OPN3: variants seen among roughly 807,000 people sequenced by gnomAD.
The protein encoded by OPN3 is opsin 3, also known as opsin-3.
Under a neutral mutation model 33.8 loss-of-function variants are expected in OPN3, and 29 were observed. The ratio of observed to expected loss-of-function variants is 0.86; its 90% CI spans 0.64 to 1.17. OPN3 has a LOEUF of 1.17. Among genes scored for constraint, OPN3 ranks in the 50% most tolerant of loss-of-function variants. OPN3 has a pLI of 0.00. For synonymous variants in OPN3, 216 were observed against 216.1 expected (o/e 1.00, Z 0.00); for missense variants, 437 against 514.1 (o/e 0.85, Z 1.45).
intron 3 of OPN3, among the ~76,000 whole-genome samples, chr1:241,595,945 CGTT>C (rs1558436299): frequency 2.0e-5 from 3 of 152,110 alleles, no homozygotes; most frequent in Non-Finnish European, 4.4e-5. Flanking sequence ...GGACAAGGAC[CGTT>C]GTTTTTATTT....
chr1:241,613,528 G>A (rs573437872), intron 1 of OPN3, among the ~76,000 whole-genome samples: 1 of 152,106 alleles, frequency 6.6e-6, no homozygotes, highest in Admixed American at 6.5e-5. Flanking sequence ...TGTCTGCTAC[G>A]TATGTTCTGT....
Position 241,635,363 on chromosome 1 carries a change from A to G in OPN3, c.373+4519T>C, listed in dbSNP as rs1250461850. 4.3e-6 allele frequency: 7 copies of G among 1,614,112 alleles called. No homozygotes were observed. The South Asian group carries it at 7.7e-5, about 18-fold the overall frequency. On this transcript the variant is annotated intron_variant, in intron 1 of 3. Coordinates refer to ENST00000366554, the MANE Select transcript of OPN3 (RefSeq NM_014322.3). Reference sequence around the variant, plus strand: ...GCTTTCTTCAGGTAATGCAGAATCCAGAACTTCAGTGAAGGTATTAGACAC... The same window carrying G: ...GCTTTCTTCAGGTAATGCAGAATCCGGAACTTCAGTGAAGGTATTAGACAC...
intron 1 of OPN3, among the ~76,000 whole-genome samples, chr1:241,614,484 A>G (rs1664071813): frequency 6.6e-6 from 1 of 152,228 alleles, no homozygotes; most frequent in African/African-American, 2.4e-5. Flanking sequence ...AAAATAGGGT[A>G]CACGGGGCAA....
At chr1:241,598,034 A>G (rs751985164) in intron 2 of OPN3, 37 bp from the exon 3 acceptor site, 20 of 1,595,930 alleles carry the variant, frequency 1.3e-5, no homozygotes, top group Non-Finnish European at 1.7e-5. Context: ...GGCTTAAAAA[A>G]CAAAAGAAGG....
chr1:241,608,645 G>A (rs895854905), intron 1 of OPN3, among the ~76,000 whole-genome samples: 15 of 152,200 alleles, frequency 9.9e-5, no homozygotes, highest in Admixed American at 2.0e-4. Context: ...ATAAGTCAGG[G>A]TGCAAGAGGT....
chr1:241,606,574 TAAATAAATAAATA>T (rs1271121608), intron 1 of OPN3, among the ~76,000 whole-genome samples: 2 of 149,846 alleles, frequency 1.3e-5, no homozygotes, highest in East Asian at 2.0e-4. Context: ...AATAAATAAA[TAAATAAATAAATA>T]AAATAAATAA....
At chr1:241,615,534 G>A (rs1056796640) in intron 1 of OPN3, among the ~76,000 whole-genome samples, 3 of 151,984 alleles carry the variant, frequency 2.0e-5, no homozygotes, top group Non-Finnish European at 4.4e-5. Flanking sequence ...CCTTTCTTAG[G>A]AAACATTTCT....
chr1:241,621,474 C>T (rs1442138645), intron 1 of OPN3, among the ~76,000 whole-genome samples: 2 of 152,138 alleles, frequency 1.3e-5, no homozygotes, highest in Non-Finnish European at 2.9e-5. Context: ...AATTTTGCAA[C>T]CTCACCTTGG....
In OPN3 at chr1:241,633,993, G is replaced by T. The variant is rs1402675360; in HGVS notation, c.373+5889C>A. On this transcript the variant is annotated intron_variant, in intron 1 of 3. Coordinates refer to ENST00000366554, the MANE Select transcript of OPN3 (RefSeq NM_014322.3). The stretch of plus-strand genomic sequence containing the variant: ...ATCTCCTGGAAAAGTGTTTCAGCTT[G>T]CTTGACAGCATGCTCATTTCCCAGG... 2.5e-6 allele frequency: 4 copies of T among 1,613,810 alleles called. No individual in the cohort carries two copies. In the Admixed American group the frequency reaches 6.7e-5, roughly 27 times the overall value.
At chr1:241,634,655 C>T in intron 1 of OPN3, 1 of 1,613,936 alleles carries the variant, frequency 6.2e-7, no homozygotes, top group South Asian at 1.1e-5. Flanking sequence ...GGGGGTGTTG[C>T]CAAACCGTCC....
Position 241,593,345 on chromosome 1 carries a change from G to T in OPN3, c.*1083C>A. 2.3e-6 allele frequency: 1 copy of T among 431,154 alleles called. No homozygotes were observed. The highest frequency in any genetic ancestry group is 1.7e-5 in the South Asian group (1 of 58,772). 26.7% of individuals were successfully genotyped at this position (431,154 alleles called of 1,614,324 possible). A position where few individuals can be genotyped will look rare whatever the true frequency, so the allele number is the denominator to read the frequency against. On this transcript the variant is annotated 3_prime_UTR_variant, in exon 4 of 4. Transcript: ENST00000366554. Reference sequence around the variant, plus strand: ...CACATTTAGTGAAATGTTTTCTTTGGTTCATCCTTCTTTAACAGGCTGCTG... The same window carrying T: ...CACATTTAGTGAAATGTTTTCTTTGTTTCATCCTTCTTTAACAGGCTGCTG...
rs1665080859 is a variant in OPN3, at chr1:241,640,336, G to GGGGCTC, written c.-88_-83dup. Reference sequence around the variant, plus strand: ...GGCGCGCTCCGCACTGGGTGGGGTTGGGGCTCCGCCGCCTGCTCTAGCCAT... The same window carrying GGGGCTC: ...GGCGCGCTCCGCACTGGGTGGGGTTGGGGCTCGGGCTCCGCCGCCTGCTCTAGCCAT... On this transcript the variant is annotated 5_prime_UTR_variant, in exon 1 of 4. Coordinates refer to ENST00000366554, the MANE Select transcript of OPN3 (RefSeq NM_014322.3). 1.9e-6 allele frequency: 2 copies of GGGGCTC among 1,069,562 alleles called. No individual in the cohort carries two copies. The highest frequency in any genetic ancestry group is 2.3e-6 in the Non-Finnish European group (2 of 887,278). 66.3% of individuals were successfully genotyped at this position (1,069,562 alleles called of 1,614,324 possible). A position where few individuals can be genotyped will look rare whatever the true frequency, so the allele number is the denominator to read the frequency against.
intron 1 of OPN3, chr1:241,631,111 C>T (rs1021558748): frequency 6.6e-6 from 1 of 151,996 alleles, no homozygotes; most frequent in Non-Finnish European, 1.5e-5. Context: ...GGTCAAAGTC[C>T]AACCTGTCAG....
chr1:241,639,758 G>A, intron 1 of OPN3, 124 bp downstream of exon 1: 1 of 980,574 alleles, frequency 1.0e-6, no homozygotes, highest in South Asian at 2.1e-5. Context: ...GGTGTAGGGC[G>A]GGGGGCGCGG....
Position 241,639,973 on chromosome 1 carries a change from C to T in OPN3, c.282G>A (p.Gly94=). The T allele has an allele frequency of 1.9e-6, 3 of 1,612,376 alleles. No homozygotes were observed. The highest frequency in any genetic ancestry group is 1.7e-6 in the Non-Finnish European group (2 of 1,179,318). The change falls in exon 1 of 4, where the codon GGG becomes GGA. Residue 94 remains glycine (G), a synonymous_variant. Transcript: ENST00000366554. ...GGCAGGACACGAAGGTAAAGGTGACCCCGAAGAGGGACACCAGCAGGTCGC... is the reference window on the plus strand; with the variant it reads ...GGCAGGACACGAAGGTAAAGGTGACTCCGAAGAGGGACACCAGCAGGTCGC... The part of the protein sequence containing the change: ...SLSDLLVSLF[G]VTFTFVSCLR...
At chr1:241,596,950 G>T (rs943969600) in intron 3 of OPN3, among the ~76,000 whole-genome samples, 1 of 152,072 alleles carries the variant, frequency 6.6e-6, no homozygotes, top group Non-Finnish European at 1.5e-5. Context: ...TCAGGCCCCT[G>T]AGTAGCTGCG....
At chr1:241,615,830 G>A in intron 1 of OPN3, 1 of 456,410 alleles carries the variant, frequency 2.2e-6, no homozygotes, top group Non-Finnish European at 4.4e-6. Flanking sequence ...TTCAGCTGCT[G>A]CCACTGTCAC....
intron 2 of OPN3, among the ~76,000 whole-genome samples, chr1:241,604,053 G>C (rs753335811): frequency 6.6e-5 from 10 of 152,142 alleles, no homozygotes; most frequent in Non-Finnish European, 1.5e-4. Context: ...GGTTGAGAGA[G>C]GGATGTAGAG....
chr1:241,633,933 TTGGAGG>T (rs1664755122), intron 1 of OPN3: 1 of 1,613,776 alleles, frequency 6.2e-7, no homozygotes, highest in South Asian at 1.1e-5. Context: ...TCTTCTGGAT[TTGGAGG>T]TGGAGGGCAG....
Sources: allele counts gnomAD v4.1 joint callset (sites outside exome capture counted in the v4.1 genomes callset), GRCh38; gene constraint gnomAD v4.1.1; transcripts MANE v1.5; gene names NCBI Gene and HGNC (gene_info 2026-07-23, HGNC 2026-07-21).